SLC22A24: variants seen among roughly 807,000 people sequenced by gnomAD.
SLC22A24 encodes steroid transmembrane transporter SLC22A24.
In SLC22A24, 53 loss-of-function variants were observed where a neutral mutation model predicts 49.8. That is an observed-to-expected ratio of 1.06 (90% CI 0.85 to 1.34). The LOEUF (loss-of-function observed/expected upper bound fraction) is 1.34. Among genes scored for constraint, SLC22A24 ranks in the 40% most tolerant of loss-of-function variants. The pLI is 0.00. For missense variants in SLC22A24, 786 were observed against 675.9 expected (o/e 1.16, Z -1.81); for synonymous variants, 302 against 256.4 (o/e 1.18, Z -1.70).
At chr11:63,102,697 C>G (rs2134650225) in intron 5 of SLC22A24, among the ~76,000 whole-genome samples, 1 of 152,222 alleles carries the variant, frequency 6.6e-6, no homozygotes, top group Non-Finnish European at 1.5e-5. Flanking sequence ...TGTTCTTTTT[C>G]ATGAGAGGGA....
intron 2 of SLC22A24, among the ~76,000 whole-genome samples, chr11:63,122,150 G>A (rs955653091): frequency 2.6e-5 from 4 of 152,042 alleles, no homozygotes; most frequent in Non-Finnish European, 5.9e-5. Context: ...CTTTTTAAAG[G>A]CCTATTGGAA....
intron 4 of SLC22A24, among the ~76,000 whole-genome samples, chr11:63,107,426 G>A (rs1264527214): frequency 6.6e-6 from 1 of 152,070 alleles, no homozygotes; most frequent in Non-Finnish European, 1.5e-5. Context: ...CTCTTTTTTG[G>A]TTCCAGATGA....
chr11:63,094,918 C>G (rs1285258391), intron 6 of SLC22A24, among the ~76,000 whole-genome samples: 2 of 152,016 alleles, frequency 1.3e-5, no homozygotes, highest in East Asian at 3.8e-4. Flanking sequence ...CAATTTTCTC[C>G]CATTGTGTAG....
chr11:63,095,091 C>A (rs1425522593), intron 6 of SLC22A24, among the ~76,000 whole-genome samples: 1 of 152,170 alleles, frequency 6.6e-6, no homozygotes, highest in Non-Finnish European at 1.5e-5. Context: ...CCTAGGTTTT[C>A]TTCTAGGGTT....
intron 6 of SLC22A24, among the ~76,000 whole-genome samples, chr11:63,094,236 G>A (rs978779873): frequency 3.4e-5 from 5 of 146,738 alleles, no homozygotes; most frequent in African/African-American, 1.3e-4. Flanking sequence ...GTGAGAACAT[G>A]CAGTGTTTGG....
At chr11:63,080,643 A>G (rs947183654) in intron 9 of SLC22A24, among the ~76,000 whole-genome samples, 1 of 152,210 alleles carries the variant, frequency 6.6e-6, no homozygotes, top group Non-Finnish European at 1.5e-5. Context: ...AAGGGCAGAA[A>G]GTATGTGCCA....
intron 2 of SLC22A24, among the ~76,000 whole-genome samples, chr11:63,126,969 A>G (rs2087295710): frequency 6.6e-6 from 1 of 152,120 alleles, no homozygotes. Context: ...ATTGGTGTAT[A>G]GGAATACTTG....
At chr11:63,143,069 T>C (rs532872402) in intron 1 of SLC22A24, among the ~76,000 whole-genome samples, 27 of 152,332 alleles carry the variant, frequency 1.8e-4, no homozygotes, top group African/African-American at 6.5e-4. Context: ...TTATTTCTCA[T>C]TGCCAAAAAT....
chr11:63,110,290 T>A (rs10897359), intron 4 of SLC22A24, among the ~76,000 whole-genome samples: 3 of 152,014 alleles, frequency 2.0e-5, no homozygotes, highest in Non-Finnish European at 4.4e-5. Flanking sequence ...ATGATGCCTC[T>A]GGCTTTGTTC....
intron 9 of SLC22A24, among the ~76,000 whole-genome samples, chr11:63,080,254 G>C (rs538455134): frequency 2.0e-5 from 3 of 152,234 alleles, no homozygotes; most frequent in South Asian, 4.2e-4. Flanking sequence ...GACATCTTTA[G>C]TAAATCAAAG....
At chr11:63,093,179 T>C (rs979848317) in intron 6 of SLC22A24, among the ~76,000 whole-genome samples, 3 of 152,132 alleles carry the variant, frequency 2.0e-5, no homozygotes, top group African/African-American at 7.2e-5. Flanking sequence ...CATTAAAAAG[T>C]CAGGAAACAA....
intron 2 of SLC22A24, among the ~76,000 whole-genome samples, chr11:63,125,813 C>A (rs1242501449): frequency 4.6e-5 from 7 of 152,184 alleles, no homozygotes; most frequent in Non-Finnish European, 1.0e-4. Context: ...TCCTCTCCAG[C>A]ATCTGTTGTT....
intron 2 of SLC22A24, among the ~76,000 whole-genome samples, chr11:63,128,911 A>G (rs2087313531): frequency 6.6e-6 from 1 of 152,120 alleles, no homozygotes; most frequent in African/African-American, 2.4e-5. Context: ...TTGTGTCTTT[A>G]TATCTACAAT....
At chr11:63,130,114 G>A (rs188200686) in intron 2 of SLC22A24, among the ~76,000 whole-genome samples, 205 of 152,310 alleles carry the variant, frequency 1.3e-3, no homozygotes, top group African/African-American at 4.8e-3. Context: ...CTTTGGGTTT[G>A]TCATAACTAA....
intron 4 of SLC22A24, among the ~76,000 whole-genome samples, chr11:63,107,578 T>C (rs866729936): frequency 1.3e-5 from 2 of 152,216 alleles, no homozygotes; most frequent in Non-Finnish European, 2.9e-5. Context: ...GGAATGTTTT[T>C]CCACTTGTTT....
intron 5 of SLC22A24, among the ~76,000 whole-genome samples, chr11:63,096,348 G>C (rs1199844717): frequency 1.3e-5 from 2 of 152,152 alleles, no homozygotes; most frequent in Non-Finnish European, 2.9e-5. Flanking sequence ...CTGAGCCAGT[G>C]ATAGGTAAAA....
chr11:63,102,410 GGATACTCA>G (rs1047150888), intron 5 of SLC22A24, among the ~76,000 whole-genome samples: 2 of 152,060 alleles, frequency 1.3e-5, no homozygotes, highest in Non-Finnish European at 2.9e-5. Flanking sequence ...ACAGCCTCTA[GGATACTCA>G]GATGCACTGG....
Position 63,112,369 on chromosome 11 carries a change from G to C in SLC22A24, c.830+6543C>G, listed in dbSNP as rs144348070. On this transcript the variant is annotated intron_variant, in intron 4 of 9. Coordinates refer to ENST00000612278, the MANE Select transcript of SLC22A24 (RefSeq NM_001136506.2). ...GTTCTGTAGATGTCTATTAGGTCCG[G>C]TTGGTGCAGAGCTGAGTTCAATTCC... Among the ~76,000 whole-genome samples, 1,170 of 152,208 alleles carry C rather than the reference G, an allele frequency of 7.7e-3. 27 individuals carry two copies. The highest frequency in any genetic ancestry group is 6.5e-3 in the Non-Finnish European group (445 of 67,994).
At chr11:63,087,541 C>T (rs915103557) in intron 6 of SLC22A24, among the ~76,000 whole-genome samples, 18 of 152,174 alleles carry the variant, frequency 1.2e-4, no homozygotes, top group African/African-American at 4.3e-4. Flanking sequence ...TTTTCATATT[C>T]CAGTGGTGCC....
Sources: allele counts gnomAD v4.1 joint callset (sites outside exome capture counted in the v4.1 genomes callset), GRCh38; gene constraint gnomAD v4.1.1; transcripts MANE v1.5; gene names NCBI Gene and HGNC (gene_info 2026-07-23, HGNC 2026-07-21).